Variants in R3HDML observed in about 807,000 individuals in gnomAD.
The protein encoded by R3HDML is peptidase inhibitor R3HDML.
In R3HDML, 21 loss-of-function variants were observed where a neutral mutation model predicts 24.2. The ratio of observed to expected loss-of-function variants is 0.87; its 90% CI spans 0.62 to 1.25. The LOEUF is 1.25. Ranked by LOEUF, R3HDML falls within the 50% of genes most tolerant of loss-of-function variation. The pLI is 0.00. For synonymous variants in R3HDML, 133 were observed against 131.5 expected, an observed-to-expected ratio of 1.01 and a Z score of -0.08; for missense variants, 301 against 340.3, an observed-to-expected ratio of 0.88 and a Z score of 0.91.
At chr20:44,344,636 A>C (rs1231626892) in intron 3 of R3HDML, among the ~76,000 whole-genome samples, 1 of 151,666 alleles carries the variant, frequency 6.6e-6, no homozygotes, top group Non-Finnish European at 1.5e-5. Flanking sequence ...CCAAAAAATT[A>C]GCTAGGTATG....
chr20:44,341,403 G>A, intron 2 of R3HDML, 89 bp downstream of exon 2: 1 of 1,059,460 alleles, frequency 9.4e-7, no homozygotes, highest in African/African-American at 1.6e-5. Flanking sequence ...ACTTGACACT[G>A]GGATACAGTG....
Position 44,339,016 on chromosome 20 carries a change from T to C in R3HDML, c.261+1598T>C, listed in dbSNP as rs571587800. ...TGAACCTGGGAGGCCGAGGTTGCAG[T>C]GAGCCGAGATCCAGCCAGCCTGGAT... On this transcript the variant is annotated intron_variant, in intron 1 of 4. Coordinates refer to ENST00000217043, the MANE Select transcript of R3HDML (RefSeq NM_178491.4). Among the ~76,000 whole-genome samples, 436 of 143,972 alleles carry C rather than the reference T, an allele frequency of 3.0e-3. 2 individuals carry two copies. Among genetic ancestry groups the C allele is most frequent in the African/African-American group, 0.011 (402 of 38,240 alleles). 94.5% of individuals were successfully genotyped at this position (143,972 alleles called of 152,430 possible).
At chr20:44,345,428 C>A in intron 4 of R3HDML, 50 bp downstream of exon 4, 1 of 1,284,154 alleles carries the variant, frequency 7.8e-7, no homozygotes, top group Non-Finnish European at 1.1e-6. Context: ...GCGGGTGGGT[C>A]CTGAGAATTC....
chr20:44,348,489 CCTTTCCTTTCCTT>C (rs779448571), intron 4 of R3HDML, among the ~76,000 whole-genome samples: 15,075 of 90,890 alleles, frequency 0.17, 969 homozygotes, highest in Middle Eastern at 0.24. Context: ...TTTCTCCTTT[CCTTTCCTTTCCTT>C]TCCTTTCCTT....
At chr20:44,343,926 A>G (rs570748615) in intron 3 of R3HDML, among the ~76,000 whole-genome samples, 4 of 152,232 alleles carry the variant, frequency 2.6e-5, no homozygotes, top group Admixed American at 2.6e-4. Context: ...TTTCCTGAAC[A>G]CAGGAGTTTG....
intron 1 of R3HDML, among the ~76,000 whole-genome samples, chr20:44,339,847 C>T (rs1275515597): frequency 2.6e-5 from 4 of 152,068 alleles, no homozygotes; most frequent in East Asian, 1.9e-4. Flanking sequence ...GGCACGATCT[C>T]GGCTCACTAC....
chr20:44,346,458 TAGAC>T (rs1249057079), intron 4 of R3HDML, among the ~76,000 whole-genome samples: 3 of 152,132 alleles, frequency 2.0e-5, no homozygotes, highest in Non-Finnish European at 2.9e-5. Flanking sequence ...CACTGGGAAA[TAGAC>T]AGGATTGACA....
At position 44,343,490 on chromosome 20, in the gene R3HDML, C is replaced by T. The variant is rs35397089; in HGVS notation, c.494C>T (p.Thr165Ile). 3,250 of 1,610,220 alleles carry T rather than the reference C, an allele frequency of 2.0e-3. 7 individuals are homozygous for T. Among genetic ancestry groups the T allele is most frequent in the Non-Finnish European group, 2.5e-3 (2,928 of 1,178,460 alleles). Reference sequence around the variant, plus strand: ...TGCCCCTGGCGCTGCGATGGCCCCACCTGCTCCCATTATACCCAGGTACTC... The same window carrying T: ...TGCCCCTGGCGCTGCGATGGCCCCATCTGCTCCCATTATACCCAGGTACTC... ...PHCPWRCDGP[T>I]CSHYTQMVWA... The change falls in exon 3 of 5, where the codon ACC (threonine) becomes ATC (isoleucine). Residue 165 changes from threonine (T) to isoleucine (I), a missense_variant. Transcript: ENST00000217043.
At chr20:44,343,534 C>A (rs541845006) in intron 3 of R3HDML, 25 bp downstream of exon 3, 1 of 1,565,818 alleles carries the variant, frequency 6.4e-7, no homozygotes, top group African/African-American at 1.4e-5. Flanking sequence ...GGGCTGAGGG[C>A]CCCTGGGATA....
intron 4 of R3HDML, 183 bp from the exon 5 acceptor site, chr20:44,350,477 A>T (rs1053054068): frequency 4.1e-6 from 2 of 486,264 alleles, no homozygotes; most frequent in Non-Finnish European, 6.7e-6. Context: ...GCTATGGGTG[A>T]CAGAGCAAAA....
At chr20:44,348,582 C>A (rs1478953421) in intron 4 of R3HDML, among the ~76,000 whole-genome samples, 1 of 151,834 alleles carries the variant, frequency 6.6e-6, no homozygotes, top group Non-Finnish European at 1.5e-5. Context: ...AGCTCTGCAA[C>A]CTCCACGTTC....
At chr20:44,348,515 C>CTTTCT (rs1230464085) in intron 4 of R3HDML, among the ~76,000 whole-genome samples, 1 of 113,342 alleles carries the variant, frequency 8.8e-6, no homozygotes, top group Non-Finnish European at 1.8e-5. Flanking sequence ...CTTTCCTTTC[C>CTTTCT]TTTCTTTTCT....
At chr20:44,345,688 T>C (rs1478114278) in intron 4 of R3HDML, among the ~76,000 whole-genome samples, 3 of 151,370 alleles carry the variant, frequency 2.0e-5, no homozygotes, top group African/African-American at 7.3e-5. Flanking sequence ...TAGTCCTAGA[T>C]ACTGGGGGAG....
intron 4 of R3HDML, chr20:44,347,666 A>G (rs1208135659): frequency 6.6e-6 from 1 of 152,252 alleles, no homozygotes; most frequent in Non-Finnish European, 1.5e-5. Context: ...CTTTTTACAA[A>G]TTAAGAAATT....
chr20:44,342,120 G>C (rs2062773873), intron 2 of R3HDML, among the ~76,000 whole-genome samples: 1 of 152,070 alleles, frequency 6.6e-6, no homozygotes, highest in Non-Finnish European at 1.5e-5. Flanking sequence ...GTTCTTTCCA[G>C]ACTTGTGGAT....
At chr20:44,348,786 C>A (rs1201340925) in intron 4 of R3HDML, among the ~76,000 whole-genome samples, 1 of 152,130 alleles carries the variant, frequency 6.6e-6, no homozygotes, top group Non-Finnish European at 1.5e-5. Context: ...AGTGCTGGGA[C>A]TACAGGCACG....
At chr20:44,343,635 G>C (rs4812826) in intron 3 of R3HDML, 126 bp downstream of exon 3, 9 of 987,646 alleles carry the variant, frequency 9.1e-6, no homozygotes, top group Non-Finnish European at 1.3e-5. Flanking sequence ...TCACCAAAGA[G>C]GCATATTCCT....
chr20:44,348,460 T>C (rs1568678391), intron 4 of R3HDML, among the ~76,000 whole-genome samples: 2 of 138,066 alleles, frequency 1.4e-5, no homozygotes, highest in Non-Finnish European at 1.7e-5. Flanking sequence ...CTTTCCCTTT[T>C]CCCCTTTCTC....
chr20:44,342,237 C>G (rs1335667631), intron 2 of R3HDML, among the ~76,000 whole-genome samples: 3 of 152,192 alleles, frequency 2.0e-5, no homozygotes, highest in African/African-American at 7.2e-5. Flanking sequence ...ACCTTCCCAT[C>G]CTCGCCATTC....
Sources: allele counts gnomAD v4.1 joint callset (sites outside exome capture counted in the v4.1 genomes callset), GRCh38; gene constraint gnomAD v4.1.1; transcripts MANE v1.5; gene names NCBI Gene and HGNC (gene_info 2026-07-23, HGNC 2026-07-21).